Variants in ABR observed in about 807,000 individuals in gnomAD.
ABR encodes active breakpoint cluster region-related protein.
In ABR, 35 loss-of-function variants were observed where a neutral mutation model predicts 107.2. The observed-to-expected ratio is 0.33, with a 90% confidence interval of 0.25 to 0.43. The LOEUF is 0.43. Among genes scored for constraint, ABR ranks in the 20% least tolerant of loss-of-function variants. The probability of loss-of-function intolerance (pLI) is 1.00; values close to 1 mark genes in which losing one functional copy is unlikely to be tolerated. For synonymous variants in ABR, 498 were observed against 462.0 expected (o/e 1.08, Z -1.00); for missense variants, 815 against 1,115.2 (o/e 0.73, Z 3.83).
intron 1 of ABR, among the ~76,000 whole-genome samples, chr17:1,146,846 G>A (rs2040569143): frequency 3.3e-5 from 2 of 61,390 alleles, no homozygotes; most frequent in Non-Finnish European, 3.9e-5. Context: ...CTGCCACCAG[G>A]CCACCACTGC....
chr17:1,170,759 C>T (rs765738535), intron 1 of ABR, among the ~76,000 whole-genome samples: 1 of 152,040 alleles, frequency 6.6e-6, no homozygotes, highest in Non-Finnish European at 1.5e-5. Flanking sequence ...CTTTCTAAAC[C>T]AAATTAAAAA....
chr17:1,111,427 A>G (rs2038670949), intron 2 of ABR, among the ~76,000 whole-genome samples: 1 of 152,000 alleles, frequency 6.6e-6, no homozygotes, highest in African/African-American at 2.4e-5. Context: ...GAAGTGACTC[A>G]CCAGTCCCCA....
intron 20 of ABR, 40 bp from the exon 21 acceptor site, chr17:1,009,824 G>A: frequency 6.4e-7 from 1 of 1,564,062 alleles, no homozygotes; most frequent in Middle Eastern, 1.7e-4. Flanking sequence ...TGGCTCCTGG[G>A]GCTCCCCGCC....
Position 1,071,356 on chromosome 17 carries a change from G to C in ABR, c.894+1258C>G, listed in dbSNP as rs1045267036. On this transcript the variant is annotated intron_variant, in intron 8 of 22. Coordinates refer to ENST00000302538, the MANE Select transcript of ABR (RefSeq NM_021962.5). The surrounding 1 kb of genome is among the most constrained non-coding windows in gnomAD (Gnocchi z 5.1). Reference sequence around the variant, plus strand: ...ACCACTTTCTCCCCAGGAGACCCTGGGGGCTCGTAAACAGACCACAGGAGC... The same window carrying C: ...ACCACTTTCTCCCCAGGAGACCCTGCGGGCTCGTAAACAGACCACAGGAGC... 1.3e-5 allele frequency among the ~76,000 whole-genome samples: 2 copies of C among 152,044 alleles called. No individual in the cohort carries two copies. The highest frequency in any genetic ancestry group is 3.9e-4 in the East Asian group (2 of 5,174).
At chr17:1,135,875 C>CA (rs35378180) in intron 1 of ABR, among the ~76,000 whole-genome samples, 9 of 151,022 alleles carry the variant, frequency 6.0e-5, no homozygotes, top group African/African-American at 9.8e-5. Flanking sequence ...GGCTCTGTCT[C>CA]AAAAAAAATA....
rs541135851 is a variant in ABR, at chr17:1,210,822, T to C, written c.838+17971A>G. 8.4e-4 allele frequency among the ~76,000 whole-genome samples: 128 copies of C among 152,306 alleles called. No individual in the cohort carries two copies. The highest frequency in any genetic ancestry group is 3.0e-3 in the African/African-American group (125 of 41,560). On this transcript the variant is annotated intron_variant, in intron 1 of 22. Coordinates refer to the ABR transcript ENST00000574139. This position sits in a 1 kb window ranked among gnomAD's most constrained non-coding sequence, Gnocchi z 5.6. ...CCTCTTAAGGACATTTAGAACCGTA[T>C]TTTTGCATCCTTTTAACATCAACCT...
intron 1 of ABR, among the ~76,000 whole-genome samples, chr17:1,136,638 C>T (rs2040077719): frequency 6.6e-6 from 1 of 152,204 alleles, no homozygotes. Context: ...TTGCCTTTTT[C>T]TGTTATGAAA....
At chr17:1,188,200 C>T (rs191231043), upstream of ABR, among the ~76,000 whole-genome samples, 72 of 151,490 alleles carry the variant, frequency 4.8e-4, no homozygotes, top group Non-Finnish European at 7.5e-4. Context: ...AGAGCGAGAC[C>T]CTGTCTCAAA....
intron 2 of ABR, among the ~76,000 whole-genome samples, chr17:1,113,447 C>T (rs949457747): frequency 1.4e-4 from 21 of 151,806 alleles, no homozygotes; most frequent in Admixed American, 9.9e-4. Context: ...CCACCAGGCC[C>T]GGCTAATTTT....
intron 1 of ABR, among the ~76,000 whole-genome samples, chr17:1,216,884 G>T (rs958004840): frequency 2.0e-5 from 3 of 152,132 alleles, no homozygotes; most frequent in Non-Finnish European, 4.4e-5. Flanking sequence ...CATTCAGGAA[G>T]CCACTCTGTG....
In ABR at chr17:1,125,173, G is replaced by A. The variant is rs770315800; in HGVS notation, c.246+10C>T. On this transcript the variant is annotated intron_variant, in intron 2 of 22. Coordinates refer to ENST00000302538, the MANE Select transcript of ABR (RefSeq NM_021962.5). ...TCCCCAAACCCAGAAAGAAAAGCCGGTGTACCTACCCCAGGAGCCAGTCCC... is the reference window on the plus strand; with the variant it reads ...TCCCCAAACCCAGAAAGAAAAGCCGATGTACCTACCCCAGGAGCCAGTCCC... 6.4e-7 allele frequency: 1 copy of A among 1,559,056 alleles called. No homozygotes were observed. Among genetic ancestry groups the A allele is most frequent in the East Asian group, 2.3e-5 (1 of 44,064 alleles).
intron 16 of ABR, among the ~76,000 whole-genome samples, chr17:1,015,166 C>T (rs931481265): frequency 3.9e-5 from 6 of 151,968 alleles, no homozygotes; most frequent in Non-Finnish European, 8.8e-5. Context: ...CCTGTAATCC[C>T]AGCACTTTGG....
rs1461236522 is a variant in ABR, at chr17:1,051,291, G to A, written c.1562-657C>T. Among the ~76,000 whole-genome samples, 1 of 152,210 alleles carries A rather than the reference G, an allele frequency of 6.6e-6. No individual in the cohort carries two copies. The highest frequency in any genetic ancestry group is 2.4e-5 in the African/African-American group (1 of 41,442). On this transcript the variant is annotated intron_variant, in intron 14 of 22. Coordinates refer to ENST00000302538, the MANE Select transcript of ABR (RefSeq NM_021962.5). This position sits in a 1 kb window ranked among gnomAD's most constrained non-coding sequence, Gnocchi z 4.3. ...CCCCCCACGACGTAAACACCATGTG[G>A]AGAGAAGCCTGGGTTTTCCTGCCTG...
At chr17:1,108,062 C>CGGTT (rs140756017) in intron 2 of ABR, among the ~76,000 whole-genome samples, 1,536 of 152,366 alleles carry the variant, frequency 0.01, 22 homozygotes, top group African/African-American at 0.034. Flanking sequence ...GATGGGCACT[C>CGGTT]GGTTAGGCAG....
At chr17:1,012,224 G>GT in intron 18 of ABR, 1 of 698,586 alleles carries the variant, frequency 1.4e-6, no homozygotes, top group South Asian at 1.5e-5. Flanking sequence ...ACTTGGGAAG[G>GT]TAAGGCCGAG....
At chr17:1,221,777 T>C (rs1164888363) in intron 1 of ABR, among the ~76,000 whole-genome samples, 4 of 152,158 alleles carry the variant, frequency 2.6e-5, no homozygotes, top group African/African-American at 7.2e-5. Context: ...AGAAGCCAGA[T>C]GGTGGCTTTG....
intron 16 of ABR, 147 bp from the exon 17 acceptor site, chr17:1,013,311 C>A: frequency 1.2e-6 from 1 of 834,364 alleles, no homozygotes; most frequent in South Asian, 1.6e-5. Context: ...ACCTGGAAAT[C>A]AACCCTTTGG....
At chr17:1,032,577 C>T (rs1242693589) in intron 16 of ABR, among the ~76,000 whole-genome samples, 1 of 92,838 alleles carries the variant, frequency 1.1e-5, no homozygotes, top group Non-Finnish European at 2.4e-5. Flanking sequence ...CCGTGCTGGG[C>T]GCAGAGGACG....
intron 1 of ABR, among the ~76,000 whole-genome samples, chr17:1,199,097 A>G (rs1463813996): frequency 6.8e-6 from 1 of 147,432 alleles, no homozygotes; most frequent in Non-Finnish European, 1.5e-5. Flanking sequence ...ACGAGGCCCT[A>G]TCTCCTCCCA....
Sources: allele counts gnomAD v4.1 joint callset (sites outside exome capture counted in the v4.1 genomes callset), GRCh38; gene constraint gnomAD v4.1.1; non-coding constraint Gnocchi (gnomAD v3.1); transcripts MANE v1.5; gene names NCBI Gene and HGNC (gene_info 2026-07-23, HGNC 2026-07-21).